Variants in SND1 observed in about 807,000 individuals in gnomAD.
SND1 encodes the protein staphylococcal nuclease domain-containing protein 1.
A neutral mutation model predicts 121.7 loss-of-function variants in SND1; 38 were observed. The ratio of observed to expected loss-of-function variants is 0.31; its 90% CI spans 0.24 to 0.41. The LOEUF (loss-of-function observed/expected upper bound fraction) is 0.41. Ranked by LOEUF, SND1 falls within the 10% of genes least tolerant of loss-of-function variation. The probability of loss-of-function intolerance (pLI) is 1.00; values close to 1 mark genes in which losing one functional copy is unlikely to be tolerated. For missense variants in SND1, 868 were observed against 1,184.6 expected (o/e 0.73, Z 3.92); for synonymous variants, 401 against 447.4 (o/e 0.90, Z 1.31).
At chr7:127,945,791 G>A (rs557830546) in intron 15 of SND1, among the ~76,000 whole-genome samples, 1 of 152,264 alleles carries the variant, frequency 6.6e-6, no homozygotes, top group Admixed American at 6.5e-5. Flanking sequence ...ACATGCTGTG[G>A]ATTAACTCAT....
chr7:127,670,268 C>T (rs576180382), intron 1 of SND1, among the ~76,000 whole-genome samples: 3 of 150,842 alleles, frequency 2.0e-5, no homozygotes, highest in South Asian at 2.1e-4. Context: ...GGATTACAGG[C>T]GTGAGCCACC....
intron 13 of SND1, 91 bp downstream of exon 13, chr7:127,888,103 G>T: frequency 1.4e-6 from 1 of 709,458 alleles, no homozygotes; most frequent in Admixed American, 2.3e-5. Context: ...AGAATGTGTT[G>T]GAAAATAATA....
chr7:127,898,332 C>T (rs1160990075), intron 13 of SND1, among the ~76,000 whole-genome samples: 2 of 152,150 alleles, frequency 1.3e-5, no homozygotes, highest in African/African-American at 4.8e-5. Context: ...CCAGTCTATG[C>T]ACTCTCAATC....
chr7:127,928,498 T>C (rs920238835), intron 14 of SND1, among the ~76,000 whole-genome samples: 3 of 150,528 alleles, frequency 2.0e-5, no homozygotes, highest in Admixed American at 2.0e-4. Flanking sequence ...TGAGATAGCC[T>C]AGGCGTCGCT....
At chr7:127,930,750 T>G (rs1800942315) in intron 15 of SND1, among the ~76,000 whole-genome samples, 1 of 152,214 alleles carries the variant, frequency 6.6e-6, no homozygotes, top group African/African-American at 2.4e-5. Flanking sequence ...CCAAGGTTTC[T>G]ATACCCATGA....
At chr7:128,040,918 A>T (rs1389409753) in intron 16 of SND1, among the ~76,000 whole-genome samples, 1 of 152,232 alleles carries the variant, frequency 6.6e-6, no homozygotes, top group African/African-American at 2.4e-5. Flanking sequence ...GTATGCCTCC[A>T]GCTTGAGCTA....
intron 14 of SND1, among the ~76,000 whole-genome samples, chr7:127,923,712 G>C (rs73465862): frequency 1.0e-3 from 156 of 152,284 alleles, no homozygotes; most frequent in African/African-American, 3.0e-3. Flanking sequence ...AGATGTAGTT[G>C]TGATTTGTCT....
At chr7:127,790,923 T>G (rs1443144757) in intron 10 of SND1, among the ~76,000 whole-genome samples, 1 of 152,154 alleles carries the variant, frequency 6.6e-6, no homozygotes, top group Non-Finnish European at 1.5e-5. Context: ...GTGGAGCTTG[T>G]TCAGCAAGCA....
intron 10 of SND1, among the ~76,000 whole-genome samples, chr7:127,772,208 G>A (rs1251497379): frequency 6.6e-6 from 1 of 152,160 alleles, no homozygotes; most frequent in Non-Finnish European, 1.5e-5. Flanking sequence ...GAATCTTACA[G>A]GCTTAGACCT....
chr7:127,777,733 G>T (rs550374319), intron 10 of SND1, among the ~76,000 whole-genome samples: 8 of 152,266 alleles, frequency 5.3e-5, no homozygotes, highest in Non-Finnish European at 8.8e-5. Flanking sequence ...TGAGAAGGGG[G>T]TCTCCCTGTT....
At chr7:127,795,040 G>C (rs1797990355) in intron 10 of SND1, among the ~76,000 whole-genome samples, 1 of 152,122 alleles carries the variant, frequency 6.6e-6, no homozygotes, top group South Asian at 2.1e-4. Flanking sequence ...TTAAACTCTG[G>C]CTTCTTATTT....
chr7:127,908,963 C>G (rs939808566), intron 14 of SND1, among the ~76,000 whole-genome samples: 1 of 152,156 alleles, frequency 6.6e-6, no homozygotes, highest in Admixed American at 6.5e-5. Context: ...GAGAGAGCTC[C>G]CCACTCCTCA....
At chr7:127,753,356 A>G (rs376213482) in intron 10 of SND1, among the ~76,000 whole-genome samples, 3 of 152,208 alleles carry the variant, frequency 2.0e-5, no homozygotes, top group Non-Finnish European at 4.4e-5. Context: ...GAGACAGTGC[A>G]GAATAGACCC....
chr7:127,759,067 T>TAGATAGATAGAC (rs1797250946), intron 10 of SND1, among the ~76,000 whole-genome samples: 1 of 150,270 alleles, frequency 6.7e-6, no homozygotes, highest in Non-Finnish European at 1.5e-5. Context: ...AATAGATAGA[T>TAGATAGATAGAC]AGATAGATAG....
chr7:127,928,129 A>G (rs911663490), intron 14 of SND1: 1 of 152,246 alleles, frequency 6.6e-6, no homozygotes, highest in African/African-American at 2.4e-5. Context: ...CGAAATGTCC[A>G]TGATTTGGCA....
intron 2 of SND1, among the ~76,000 whole-genome samples, chr7:127,689,703 C>T (rs1469273568): frequency 6.6e-6 from 1 of 152,148 alleles, no homozygotes; most frequent in Non-Finnish European, 1.5e-5. Flanking sequence ...CACTGTTTCT[C>T]CTGGTAACTC....
intron 13 of SND1, among the ~76,000 whole-genome samples, chr7:127,895,240 G>T (rs777737945): frequency 6.6e-6 from 1 of 152,054 alleles, no homozygotes; most frequent in South Asian, 2.1e-4. Context: ...AATAAAAGTA[G>T]AACCTATTGA....
At chr7:127,653,447 C>G (rs1440378016) in intron 1 of SND1, among the ~76,000 whole-genome samples, 1 of 152,130 alleles carries the variant, frequency 6.6e-6, no homozygotes, top group East Asian at 1.9e-4. Context: ...GTATCTGCAA[C>G]AGCAAATATC....
At chr7:128,043,279 CTT>C (rs1792887311) in intron 16 of SND1, among the ~76,000 whole-genome samples, 1 of 152,106 alleles carries the variant, frequency 6.6e-6, no homozygotes, top group African/African-American at 2.4e-5. Flanking sequence ...CTCCTTGTAT[CTT>C]GTTTGCCCTA....
Sources: gnomAD v4.1 joint callset for allele counts (sites outside exome capture counted in the v4.1 genomes callset) on GRCh38, gnomAD v4.1.1 for gene constraint, MANE v1.5 for transcripts, NCBI Gene and HGNC (gene_info 2026-07-23, HGNC 2026-07-21) for gene names.